RGS6: variants seen among roughly 807,000 people sequenced by gnomAD.
RGS6 encodes the protein regulator of G-protein signaling 6.
Under a neutral mutation model 78.5 loss-of-function variants are expected in RGS6, and 30 were observed. The observed-to-expected ratio is 0.38, with a 90% CI of 0.29 to 0.52. The LOEUF (loss-of-function observed/expected upper bound fraction) is 0.52. Among genes scored for constraint, RGS6 ranks in the 20% least tolerant of loss-of-function variants. The probability of loss-of-function intolerance (pLI) is 0.85; values close to 1 mark genes in which losing one functional copy is unlikely to be tolerated. For missense variants in RGS6, 495 were observed against 609.7 expected (o/e 0.81, Z 1.98); for synonymous variants, 206 against 206.0 (o/e 1.00, Z 0.00).
intron 2 of RGS6, among the ~76,000 whole-genome samples, chr14:72,030,830 C>T (rs2090747145): frequency 6.6e-6 from 1 of 152,156 alleles, no homozygotes; most frequent in Admixed American, 6.6e-5. Flanking sequence ...GTCATTTTTT[C>T]CTGACCAGTG....
intron 2 of RGS6, among the ~76,000 whole-genome samples, chr14:72,236,835 G>C (rs917582366): frequency 6.6e-6 from 1 of 152,128 alleles, no homozygotes; most frequent in Non-Finnish European, 1.5e-5. Flanking sequence ...TCCCACACGC[G>C]GTGGCAGCTG....
rs78184870 is a variant in RGS6 at position 72,247,131 on chromosome 14, G to T, written c.85-104964G>T. On this transcript the variant is annotated intron_variant, in intron 2 of 17. Transcript: ENST00000553525. ...GTGAAGACTTGCTGTGATAATTCCA[G>T]CTCTTTCTTTCTTCTCTGAATTCTT... 4.9e-3 allele frequency among the ~76,000 whole-genome samples: 743 copies of T among 152,226 alleles called. 9 individuals carry two copies. The highest frequency in any genetic ancestry group is 0.017 in the African/African-American group (712 of 41,540).
chr14:72,475,357 C>G (rs1384790855), intron 10 of RGS6, among the ~76,000 whole-genome samples: 1 of 152,050 alleles, frequency 6.6e-6, no homozygotes, highest in East Asian at 1.9e-4. Context: ...CAGACTCCCC[C>G]ACGATTCATA....
At chr14:72,372,940 C>G (rs973083685) in intron 3 of RGS6, among the ~76,000 whole-genome samples, 5 of 152,104 alleles carry the variant, frequency 3.3e-5, no homozygotes, top group African/African-American at 1.2e-4. Context: ...GCAGCCCACA[C>G]CAAAAGGCAA....
chr14:71,886,476 T>C, the RGS6 span, among the ~76,000 whole-genome samples: 2 of 152,188 alleles, frequency 1.3e-5, no homozygotes, highest in Non-Finnish European at 2.9e-5. Flanking sequence ...TAAGCAGTAA[T>C]ACAGTGTTTG....
chr14:72,315,025 T>A (rs963864920), intron 2 of RGS6, among the ~76,000 whole-genome samples: 1 of 152,222 alleles, frequency 6.6e-6, no homozygotes, highest in African/African-American at 2.4e-5. Context: ...CTGCTGCTCT[T>A]CAAACCACAG....
At chr14:72,399,077 G>T (rs2152988743) in intron 3 of RGS6, among the ~76,000 whole-genome samples, 1 of 151,198 alleles carries the variant, frequency 6.6e-6, no homozygotes, top group East Asian at 2.0e-4. Flanking sequence ...TCCGCTTGGT[G>T]CAGACCTGAG....
At chr14:72,312,902 A>G (rs2069009865) in intron 2 of RGS6, among the ~76,000 whole-genome samples, 4 of 152,196 alleles carry the variant, frequency 2.6e-5, no homozygotes, top group Admixed American at 2.6e-4. Context: ...TGCTACTCAT[A>G]TTCTTTGGCT....
chr14:72,571,299 T>C (rs142238690), downstream of RGS6, among the ~76,000 whole-genome samples: 290 of 152,326 alleles, frequency 1.9e-3, 2 homozygotes, highest in African/African-American at 6.1e-3. Context: ...CTTACCATGG[T>C]CTTTACTCTC....
At chr14:71,969,482 A>G (rs2093687813) in intron 2 of RGS6, among the ~76,000 whole-genome samples, 1 of 152,124 alleles carries the variant, frequency 6.6e-6, no homozygotes, top group Admixed American at 6.5e-5. Context: ...CTACATCCAG[A>G]AGGATGGAGG....
the RGS6 span, among the ~76,000 whole-genome samples, chr14:71,886,850 G>T: frequency 9.9e-5 from 15 of 152,242 alleles, no homozygotes; most frequent in African/African-American, 3.6e-4. Context: ...TAGTCTCGGG[G>T]ACACCTCAAT....
chr14:72,480,450 A>G (rs949782522), intron 12 of RGS6, among the ~76,000 whole-genome samples: 2 of 152,166 alleles, frequency 1.3e-5, no homozygotes, highest in African/African-American at 4.8e-5. Flanking sequence ...ATATTGAAGG[A>G]TTATTCCAAC....
chr14:72,360,545 A>C (rs72724098), intron 3 of RGS6, among the ~76,000 whole-genome samples: 17,963 of 150,960 alleles, frequency 0.12, 1,067 homozygotes, highest in East Asian at 0.18. Flanking sequence ...AAACAAAACA[A>C]AAAAGGAAGA....
intron 2 of RGS6, among the ~76,000 whole-genome samples, chr14:72,032,827 A>G (rs753613311): frequency 1.5e-4 from 23 of 152,148 alleles, no homozygotes; most frequent in Non-Finnish European, 2.9e-4. Context: ...GCATATATAT[A>G]TGTATATCAA....
At chr14:71,952,313 C>T (rs79235996) in intron 1 of RGS6, among the ~76,000 whole-genome samples, 22,954 of 151,932 alleles carry the variant, frequency 0.15, 1,885 homozygotes, top group Non-Finnish European at 0.17. Flanking sequence ...TAAAATTGGC[C>T]AAGAGTATTT....
intron 15 of RGS6, among the ~76,000 whole-genome samples, chr14:72,531,349 C>T (rs1443166758): frequency 1.3e-5 from 2 of 149,984 alleles, no homozygotes; most frequent in Non-Finnish European, 3.0e-5. Context: ...ACGAGAATCA[C>T]TTGGAACCCG....
chr14:72,108,366 A>G (rs1477572652), intron 2 of RGS6, among the ~76,000 whole-genome samples: 4 of 152,034 alleles, frequency 2.6e-5, no homozygotes, highest in Non-Finnish European at 5.9e-5. Flanking sequence ...TTTTTTCTTT[A>G]AAGTCTTGTC....
intron 3 of RGS6, among the ~76,000 whole-genome samples, chr14:72,406,775 A>T (rs552936247): frequency 6.9e-4 from 105 of 152,342 alleles, no homozygotes; most frequent in South Asian, 2.1e-3. Context: ...CAGCCACCAC[A>T]CAAATGTATT....
chr14:71,917,012 C>T, the RGS6 span, among the ~76,000 whole-genome samples: 1 of 152,120 alleles, frequency 6.6e-6, no homozygotes, highest in Non-Finnish European at 1.5e-5. Flanking sequence ...AGGTGGTGAG[C>T]AAGCCAGGGT....
Sources: gnomAD v4.1 joint callset for allele counts (sites outside exome capture counted in the v4.1 genomes callset) on GRCh38, gnomAD v4.1.1 for gene constraint, MANE v1.5 for transcripts, NCBI Gene and HGNC (gene_info 2026-07-23, HGNC 2026-07-21) for gene names.